RTN4: variants seen among roughly 807,000 people sequenced by gnomAD.
The protein encoded by RTN4 is reticulon 4.
RTN4 carries 32 observed loss-of-function variants against 90.4 expected under a neutral mutation model. The observed-to-expected ratio is 0.35, with a 90% CI of 0.27 to 0.48. The LOEUF (loss-of-function observed/expected upper bound fraction) is 0.48, where lower values mean the gene tolerates loss of function less well. Ranked by LOEUF, RTN4 falls within the 20% of genes least tolerant of loss-of-function variation. RTN4 has a pLI of 0.99. For missense variants in RTN4, 1,706 were observed against 1,430.2 expected (o/e 1.19, Z -3.11); for synonymous variants, 629 against 552.5 (o/e 1.14, Z -1.94).
At chr2:55,014,365 A>G (rs925662876) in intron 3 of RTN4, 2 of 152,204 alleles carry the variant, frequency 1.3e-5, no homozygotes, top group East Asian at 1.9e-4. Flanking sequence ...ATTATAATCT[A>G]AAACATACAA....
intron 6 of RTN4, among the ~76,000 whole-genome samples, 159 bp downstream of exon 6, chr2:54,974,536 C>G (rs1045094558): frequency 2.6e-5 from 4 of 152,232 alleles, no homozygotes; most frequent in Non-Finnish European, 5.9e-5. Flanking sequence ...CCACCTTGGC[C>G]TCCCAAAGTG....
intron 1 of RTN4, among the ~76,000 whole-genome samples, chr2:55,030,744 C>T (rs1233034285): frequency 2.0e-5 from 3 of 152,104 alleles, no homozygotes; most frequent in Non-Finnish European, 4.4e-5. Flanking sequence ...GGCTAGGCTT[C>T]CTCAAAGCAC....
intron 3 of RTN4, among the ~76,000 whole-genome samples, chr2:54,996,865 C>T (rs992890190): frequency 6.6e-6 from 1 of 152,166 alleles, no homozygotes; most frequent in African/African-American, 2.4e-5. Context: ...AACAATCCTC[C>T]TGCCTCAGCC....
chr2:54,988,661 A>C (rs149356600), intron 3 of RTN4, among the ~76,000 whole-genome samples: 174 of 152,348 alleles, frequency 1.1e-3, no homozygotes, highest in African/African-American at 4.1e-3. Context: ...CGATTACCTG[A>C]AAAGCTACTT....
chr2:55,010,126 G>C, intron 3 of RTN4: 1 of 1,613,422 alleles, frequency 6.2e-7, no homozygotes, highest in South Asian at 1.1e-5. Context: ...TCCATCTCTT[G>C]TCACGATCTG....
chr2:55,132,436 G>C, the RTN4 span, among the ~76,000 whole-genome samples: 3 of 151,764 alleles, frequency 2.0e-5, no homozygotes, highest in Admixed American at 6.6e-5. Context: ...TTAAGAGGCA[G>C]AGGTTGCAGT....
intron 1 of RTN4, among the ~76,000 whole-genome samples, chr2:55,100,458 A>C (rs1035662622): frequency 3.9e-5 from 6 of 152,050 alleles, no homozygotes; most frequent in Admixed American, 2.6e-4. Context: ...CTATTCAGCC[A>C]TTTGCCATAA....
chr2:55,052,891 A>G (rs147941791), upstream of RTN4, among the ~76,000 whole-genome samples: 913 of 152,308 alleles, frequency 6.0e-3, 30 homozygotes, highest in Admixed American at 0.049. Flanking sequence ...ATGTATGTCT[A>G]ATATAAACAG....
intron 3 of RTN4, among the ~76,000 whole-genome samples, chr2:55,023,392 C>T (rs569909046): frequency 6.6e-6 from 1 of 152,276 alleles, no homozygotes; most frequent in South Asian, 2.1e-4. Context: ...CTACTTCATT[C>T]CCAGCAAATG....
intron 1 of RTN4, among the ~76,000 whole-genome samples, chr2:55,038,402 T>C (rs903192974): frequency 2.6e-5 from 4 of 151,976 alleles, no homozygotes; most frequent in African/African-American, 9.7e-5. Context: ...TCATAATATA[T>C]AGAGAGAACT....
chr2:55,046,687 T>A (rs1295022635), intron 1 of RTN4: 1 of 152,224 alleles, frequency 6.6e-6, no homozygotes, highest in African/African-American at 2.4e-5. Flanking sequence ...TTAGAATAGA[T>A]CCTGTCTCTT....
chr2:54,995,002 T>G (rs1679304814), intron 3 of RTN4, among the ~76,000 whole-genome samples: 1 of 152,190 alleles, frequency 6.6e-6, no homozygotes, highest in East Asian at 1.9e-4. Flanking sequence ...CCCAGCACTT[T>G]CAGAGGCCAA....
intron 1 of RTN4, among the ~76,000 whole-genome samples, chr2:55,041,233 A>T (rs538164463): frequency 1.2e-3 from 190 of 152,216 alleles, no homozygotes; most frequent in African/African-American, 4.3e-3. Flanking sequence ...AGTTCACCTA[A>T]TTATATGCTA....
intron 1 of RTN4, among the ~76,000 whole-genome samples, chr2:55,030,377 A>G (rs193236687): frequency 1.1e-3 from 172 of 152,318 alleles, no homozygotes; most frequent in African/African-American, 4.0e-3. Context: ...CCAGTTACCC[A>G]TAAAACAAGT....
At chr2:55,102,126 G>A (rs1667863639) in intron 1 of RTN4, among the ~76,000 whole-genome samples, 1 of 152,074 alleles carries the variant, frequency 6.6e-6, no homozygotes, top group Non-Finnish European at 1.5e-5. Flanking sequence ...ATGAGATATT[G>A]TTATTTCATA....
the RTN4 span, among the ~76,000 whole-genome samples, chr2:55,121,520 C>T: frequency 6.6e-6 from 1 of 152,274 alleles, no homozygotes; most frequent in Non-Finnish European, 1.5e-5. Flanking sequence ...TGTTTATTAC[C>T]AGTCTGTTGA....
At chr2:55,068,415 T>C (rs1245002396) in intron 2 of RTN4, among the ~76,000 whole-genome samples, 1 of 152,128 alleles carries the variant, frequency 6.6e-6, no homozygotes, top group Non-Finnish European at 1.5e-5. Flanking sequence ...AATCATATCA[T>C]CATTTCTTGC....
rs192600585 is a variant in RTN4 at position 55,106,766 on chromosome 2, G to A, written c.-214+5754C>T. 3.5e-3 allele frequency among the ~76,000 whole-genome samples: 533 copies of A among 151,950 alleles called. 3 individuals are homozygous for A. The highest frequency in any genetic ancestry group is 0.01 in the Middle Eastern group (3 of 294). ...AACACCTGACCCCAGGTGATCCACC[G>A]GCCTAGGCCTCCCAAAGTGTTGGGA... is the stretch of plus-strand genomic sequence containing the variant. On this transcript the variant is annotated intron_variant, in intron 1 of 3. Coordinates refer to the RTN4 transcript ENST00000427710.
intron 1 of RTN4, among the ~76,000 whole-genome samples, chr2:55,095,230 A>G (rs1013558556): frequency 7.2e-5 from 11 of 152,124 alleles, no homozygotes; most frequent in Non-Finnish European, 1.5e-4. Context: ...AGGCTGAGGC[A>G]GGAGAATCGC....
Sources: gnomAD v4.1 joint callset for allele counts (sites outside exome capture counted in the v4.1 genomes callset) on GRCh38, gnomAD v4.1.1 for gene constraint, MANE v1.5 for transcripts, NCBI Gene and HGNC (gene_info 2026-07-23, HGNC 2026-07-21) for gene names.